RPRD1B: variants seen among roughly 807,000 people sequenced by gnomAD.
RPRD1B encodes the protein regulation of nuclear pre-mRNA domain containing 1B, also known as regulation of nuclear pre-mRNA domain-containing protein 1B.
A neutral mutation model predicts 41.5 loss-of-function variants in RPRD1B; 11 were observed. That is an observed-to-expected ratio of 0.27 (90% CI 0.17 to 0.44). The LOEUF (loss-of-function observed/expected upper bound fraction) is 0.44, where lower values mean the gene tolerates loss of function less well. Ranked by LOEUF, RPRD1B falls within the 20% of genes least tolerant of loss-of-function variation. RPRD1B has a pLI of 1.00. For missense variants in RPRD1B, 248 were observed against 389.9 expected, an observed-to-expected ratio of 0.64 and a Z score of 3.06; for synonymous variants, 158 against 155.6, an observed-to-expected ratio of 1.02 and a Z score of -0.12.
intron 5 of RPRD1B, among the ~76,000 whole-genome samples, chr20:38,062,225 T>C (rs531700933): frequency 1.9e-4 from 29 of 152,324 alleles, no homozygotes; most frequent in Non-Finnish European, 3.8e-4. Flanking sequence ...CCTCCTCTCT[T>C]TCTGTGTCTT....
intron 4 of RPRD1B, among the ~76,000 whole-genome samples, chr20:38,059,130 T>C (rs1025926787): frequency 6.6e-6 from 1 of 152,196 alleles, no homozygotes; most frequent in African/African-American, 2.4e-5. Flanking sequence ...GCCAAAAACA[T>C]GTTCTTTTAG....
chr20:38,074,265 CT>C (rs2074438980), intron 6 of RPRD1B, among the ~76,000 whole-genome samples: 1 of 151,950 alleles, frequency 6.6e-6, no homozygotes, highest in South Asian at 2.1e-4. Context: ...CCTTGGATTT[CT>C]TTTATTCATT....
chr20:38,078,235 C>T (rs2074482871), intron 6 of RPRD1B, among the ~76,000 whole-genome samples: 1 of 151,710 alleles, frequency 6.6e-6, no homozygotes, highest in South Asian at 2.1e-4. Context: ...ATGACTTGGC[C>T]CCTGCTGACT....
intron 6 of RPRD1B, among the ~76,000 whole-genome samples, chr20:38,072,115 C>G (rs2074418732): frequency 6.6e-6 from 1 of 151,982 alleles, no homozygotes; most frequent in South Asian, 2.1e-4. Flanking sequence ...CAATTTTTTT[C>G]TGTGTTTTCT....
intron 2 of RPRD1B, among the ~76,000 whole-genome samples, chr20:38,042,406 AAGT>A (rs1218576635): frequency 5.9e-5 from 9 of 152,144 alleles, no homozygotes; most frequent in Admixed American, 3.9e-4. Flanking sequence ...TGAAACCAAA[AAGT>A]AAATAGAAAG....
intron 2 of RPRD1B, among the ~76,000 whole-genome samples, chr20:38,042,222 T>A (rs1443644782): frequency 6.6e-6 from 1 of 152,088 alleles, no homozygotes; most frequent in African/African-American, 2.4e-5. Context: ...GGCATGGTGG[T>A]GTGCACCTGT....
chr20:38,091,706 T>G lies in RPRD1B; in HGVS notation c.*1831T>G. 2.0e-6 allele frequency: 2 copies of G among 985,640 alleles called. No homozygotes were observed. The highest frequency in any genetic ancestry group is 2.4e-6 in the Non-Finnish European group (2 of 829,954). 61.1% of individuals were successfully genotyped at this position (985,640 alleles called of 1,614,324 possible). Reference sequence around the variant, plus strand: ...CAGGCCCATCTGGGACACTCTATGCTTTCACCAAGGAAGTGCGATCTGAGC... The same window carrying G: ...CAGGCCCATCTGGGACACTCTATGCGTTCACCAAGGAAGTGCGATCTGAGC... On this transcript the variant is annotated 3_prime_UTR_variant, in exon 7 of 7. Coordinates refer to ENST00000373433, the MANE Select transcript of RPRD1B (RefSeq NM_021215.4).
chr20:38,070,906 A>G (rs1338139842), intron 6 of RPRD1B, among the ~76,000 whole-genome samples: 1 of 151,894 alleles, frequency 6.6e-6, no homozygotes, highest in African/African-American at 2.4e-5. Flanking sequence ...TAATTTTTGT[A>G]TTTTTAGTAG....
intron 6 of RPRD1B, among the ~76,000 whole-genome samples, chr20:38,086,732 C>T (rs1333173885): frequency 2.0e-5 from 3 of 152,196 alleles, no homozygotes; most frequent in East Asian, 3.8e-4. Context: ...TTACAATAGG[C>T]GTCCCTGCGA....
Position 38,059,435 on chromosome 20 carries a change from C to T in RPRD1B, c.570C>T (p.Ala190=), listed in dbSNP as rs371316452. The T allele has an allele frequency of 6.8e-6, 11 of 1,613,546 alleles. No individual in the cohort carries two copies. The highest frequency in any genetic ancestry group is 1.3e-5 in the African/African-American group (1 of 74,886). The change falls in exon 5 of 7, where the codon GCC becomes GCT. Residue 190 remains alanine (A), a synonymous_variant. Coordinates refer to ENST00000373433, the MANE Select transcript of RPRD1B (RefSeq NM_021215.4). The stretch of plus-strand genomic sequence containing the variant: ...AAGCTTTGCAGGATCTGGAAAATGC[C>T]GCATCAGGGGATGCTACTGTCCGAC... ...LIKALQDLEN[A]ASGDATVRQK... is the part of the protein sequence containing the mutation.
chr20:38,065,513 A>C (rs566596823), intron 5 of RPRD1B, among the ~76,000 whole-genome samples: 1 of 152,230 alleles, frequency 6.6e-6, no homozygotes, highest in African/African-American at 2.4e-5. Flanking sequence ...ATCTTCCCAT[A>C]TACTTTAAAT....
intron 2 of RPRD1B, among the ~76,000 whole-genome samples, chr20:38,044,170 G>A (rs934297321): frequency 3.3e-5 from 5 of 152,218 alleles, no homozygotes; most frequent in African/African-American, 9.6e-5. Flanking sequence ...AGACTGGAGC[G>A]CTCTGGGTAT....
At chr20:38,056,172 A>T (rs2074238749) in intron 3 of RPRD1B, among the ~76,000 whole-genome samples, 1 of 152,136 alleles carries the variant, frequency 6.6e-6, no homozygotes, top group South Asian at 2.1e-4. Context: ...GGGTCACTGG[A>T]GGCCAGGAGT....
chr20:38,059,430 A>T lies in RPRD1B; in HGVS notation c.565A>T (p.Asn189Tyr), dbSNP rs774266149. ...AATCAAAGCTTTGCAGGATCTGGAAAATGCCGCATCAGGGGATGCTACTGT... is the reference window on the plus strand; with the variant it reads ...AATCAAAGCTTTGCAGGATCTGGAATATGCCGCATCAGGGGATGCTACTGT... ...ELIKALQDLE[N>Y]AASGDATVRQ... is the part of the protein sequence containing the mutation. The change falls in exon 5 of 7, where the codon AAT becomes TAT. Residue 189 changes from asparagine (N) to tyrosine (Y), a missense_variant. Physicochemically the swap from Asn to Tyr is moderately radical, Grantham distance 143. Transcript: ENST00000373433. The T allele has an allele frequency of 6.2e-7, 1 of 1,613,990 alleles. No individual in the cohort carries two copies. The highest frequency in any genetic ancestry group is 8.5e-7 in the Non-Finnish European group (1 of 1,179,902).
Position 38,091,195 on chromosome 20 carries a change from G to T in RPRD1B, c.*1320G>T. The stretch of plus-strand genomic sequence containing the variant: ...CCCCAGTAGTGTAATAGGAGTTATA[G>T]ACCAGAGGCTGAAACCCAAACTATA... On this transcript the variant is annotated 3_prime_UTR_variant, in exon 7 of 7. Coordinates refer to ENST00000373433, the MANE Select transcript of RPRD1B (RefSeq NM_021215.4). 1 of 985,846 alleles carries T rather than the reference G, an allele frequency of 1.0e-6. No individual in the cohort carries two copies. Among genetic ancestry groups the T allele is most frequent in the Non-Finnish European group, 1.2e-6 (1 of 829,930 alleles). 61.1% of individuals were successfully genotyped at this position (985,846 alleles called of 1,614,324 possible). A position where few individuals can be genotyped will look rare whatever the true frequency, so the allele number is the denominator to read the frequency against.
rs752065976 is a variant in RPRD1B, at chr20:38,059,534, G to A, written c.655+14G>A. The stretch of plus-strand genomic sequence containing the variant: ...AAAAAATAACAGGTGAGAAGGTAGA[G>A]TTTGGGTGAAAGGTGAGGAGAGAGG... On this transcript the variant is annotated intron_variant, in intron 5 of 6. Transcript: ENST00000373433. The A allele has an allele frequency of 3.7e-6, 6 of 1,613,308 alleles. No homozygotes were observed. The South Asian group carries it at 6.6e-5, about 18-fold the overall frequency.
intron 5 of RPRD1B, among the ~76,000 whole-genome samples, chr20:38,063,826 G>A (rs932375020): frequency 5.9e-5 from 9 of 152,318 alleles, no homozygotes; most frequent in Admixed American, 3.9e-4. Flanking sequence ...TAGGTCCCCC[G>A]AAGCGAGCAT....
chr20:38,066,024 A>G (rs1369853364), intron 5 of RPRD1B, 57 bp from the exon 6 acceptor site: 1 of 1,551,160 alleles, frequency 6.4e-7, no homozygotes, highest in South Asian at 1.1e-5. Context: ...AAATGTTTGT[A>G]GTCATACCTG....
chr20:38,043,081 G>T (rs2074083683), intron 2 of RPRD1B, among the ~76,000 whole-genome samples: 1 of 152,214 alleles, frequency 6.6e-6, no homozygotes, highest in Non-Finnish European at 1.5e-5. Flanking sequence ...GGGAGCAGCA[G>T]TGAACAAGGC....
Sources: gnomAD v4.1 joint callset for allele counts (sites outside exome capture counted in the v4.1 genomes callset) on GRCh38, gnomAD v4.1.1 for gene constraint, MANE v1.5 for transcripts, NCBI Gene and HGNC (gene_info 2026-07-23, HGNC 2026-07-21) for gene names.